The following PRMT9 variants were observed in gnomAD, a reference collection of about 807,000 sequenced individuals.
The protein encoded by PRMT9 is protein arginine methyltransferase 9.
Under a neutral mutation model 83.2 loss-of-function variants are expected in PRMT9, and 59 were observed. The observed-to-expected ratio is 0.71, with a 90% CI of 0.57 to 0.88. The LOEUF (loss-of-function observed/expected upper bound fraction) is 0.88, where lower values mean the gene tolerates loss of function less well. PRMT9 is among the 40% of genes least tolerant of loss of function. The pLI is 0.00. For synonymous variants in PRMT9, 333 were observed against 353.2 expected (o/e 0.94, Z 0.64); for missense variants, 947 against 1,021.9 (o/e 0.93, Z 1.00).
At chr4:147,657,179 T>C (rs1734565364) in intron 8 of PRMT9, among the ~76,000 whole-genome samples, 1 of 152,076 alleles carries the variant, frequency 6.6e-6, no homozygotes, top group Non-Finnish European at 1.5e-5. Context: ...AAGCAATACT[T>C]TTCCAGTACT....
At chr4:147,649,452 C>T (rs1449327783) in intron 9 of PRMT9, among the ~76,000 whole-genome samples, 1 of 152,098 alleles carries the variant, frequency 6.6e-6, no homozygotes. Context: ...ACCAAACCTT[C>T]AAGCTTTCAT....
intron 6 of PRMT9, among the ~76,000 whole-genome samples, chr4:147,663,123 C>T (rs1288521193): frequency 6.6e-6 from 1 of 151,372 alleles, no homozygotes; most frequent in Non-Finnish European, 1.5e-5. Context: ...ATTCTCCTGC[C>T]TCAGCCTCCC....
chr4:147,676,035 A>G (rs1177854312), intron 2 of PRMT9, among the ~76,000 whole-genome samples: 13 of 152,224 alleles, frequency 8.5e-5, no homozygotes, highest in Admixed American at 8.5e-4. Context: ...AGTCAAGAAC[A>G]AAGGTAAATT....
intron 9 of PRMT9, among the ~76,000 whole-genome samples, chr4:147,650,667 G>A (rs1227292420): frequency 6.6e-6 from 1 of 152,208 alleles, no homozygotes; most frequent in Non-Finnish European, 1.5e-5. Context: ...TCAAAGAACT[G>A]TAAACCGCCA....
intron 10 of PRMT9, among the ~76,000 whole-genome samples, chr4:147,640,287 G>T (rs889191612): frequency 6.6e-6 from 1 of 151,632 alleles, no homozygotes; most frequent in Admixed American, 6.6e-5. Flanking sequence ...TGTCCAGGTT[G>T]GTCTCGAACT....
At chr4:147,662,060 C>G (rs1185617516) in intron 6 of PRMT9, among the ~76,000 whole-genome samples, 1 of 151,984 alleles carries the variant, frequency 6.6e-6, no homozygotes, top group Non-Finnish European at 1.5e-5. Flanking sequence ...CATATTATCA[C>G]CAAAAGAATG....
intron 9 of PRMT9, among the ~76,000 whole-genome samples, chr4:147,650,993 T>G (rs1734062209): frequency 6.6e-6 from 1 of 151,942 alleles, no homozygotes; most frequent in Non-Finnish European, 1.5e-5. Flanking sequence ...TCCCAGCTAC[T>G]CGGGAGGCTG....
intron 2 of PRMT9, among the ~76,000 whole-genome samples, chr4:147,676,714 A>T (rs762956749): frequency 6.6e-6 from 1 of 152,190 alleles, no homozygotes; most frequent in Non-Finnish European, 1.5e-5. Flanking sequence ...AAAGTTTGGC[A>T]AAGTGTTTCT....
chr4:147,639,154 A>C, intron 10 of PRMT9, 72 bp from the exon 11 acceptor site: 1 of 1,515,798 alleles, frequency 6.6e-7, no homozygotes, highest in Non-Finnish European at 9.1e-7. Flanking sequence ...TCACTTTTAC[A>C]CATTCCTTTT....
chr4:147,680,368 G>A lies in PRMT9; in HGVS notation c.293C>T (p.Pro98Leu), dbSNP rs1230308694. The A allele has an allele frequency of 1.2e-6, 2 of 1,613,946 alleles. No homozygotes were observed. The highest frequency in any genetic ancestry group is 1.3e-5 in the African/African-American group (1 of 74,892). Residue 98 changes from proline (P) to leucine (L), a missense_variant, in exon 2 of 12, where the codon CCT becomes CTT. Pro to Leu is a moderately conservative substitution (Grantham distance 98). Transcript: ENST00000322396. ...GCYEQALELF[P>L]DDEVICNSMG... ...ACTATTGCAAATCACTTCATCATCA[G>A]GAAACAGTTCCAAGGCCTGCTCATA...
chr4:147,680,542 GAAGATTCC>G, intron 1 of PRMT9, 71 bp from the exon 2 acceptor site: 1 of 1,182,362 alleles, frequency 8.5e-7, no homozygotes, highest in Non-Finnish European at 1.2e-6. Flanking sequence ...ATCATTAGTT[GAAGATTCC>G]AAGCAATCGA....
In PRMT9 at chr4:147,657,944, T is replaced by A. The variant is rs1253630189; in HGVS notation, c.1178A>T (p.Asp393Val). 1 of 1,607,430 alleles carries A rather than the reference T, an allele frequency of 6.2e-7. No homozygotes were observed. Among genetic ancestry groups the A allele is most frequent in the East Asian group, 2.2e-5 (1 of 44,742 alleles). Residue 393 changes from aspartate (D) to valine (V), a missense_variant, in exon 8 of 12, where the codon GAT becomes GTT. Asp to Val is a radical substitution (Grantham distance 152, BLOSUM62 -3). Coordinates refer to ENST00000322396, the MANE Select transcript of PRMT9 (RefSeq NM_138364.4). ...TTTAATAACAGGAATACCAATCTTA[T>A]CAGGCTTTTTAGTTGCAAGACTTTT... is the stretch of plus-strand genomic sequence containing the variant. ...ELKSLATKKP[D>V]KIGIPVIKEG...
At chr4:147,657,738 G>A in intron 8 of PRMT9, 54 bp downstream of exon 8, 12 of 1,390,954 alleles carry the variant, frequency 8.6e-6, no homozygotes, top group South Asian at 1.2e-5. Flanking sequence ...CCACTGACTT[G>A]AATACTTAGA....
intron 8 of PRMT9, among the ~76,000 whole-genome samples, chr4:147,655,296 G>A (rs1046498286): frequency 2.0e-5 from 3 of 152,054 alleles, no homozygotes; most frequent in African/African-American, 7.2e-5. Context: ...CCAAGTAGCT[G>A]AGACTACGGA....
At chr4:147,645,685 A>G (rs1032111532) in intron 9 of PRMT9, among the ~76,000 whole-genome samples, 3 of 152,206 alleles carry the variant, frequency 2.0e-5, no homozygotes, top group African/African-American at 7.2e-5. Context: ...AAAATAATAC[A>G]TTTGAGGAAA....
Position 147,661,813 on chromosome 4 carries a change from AT to A in PRMT9, c.954-776del, listed in dbSNP as rs774990975. 1.2e-3 allele frequency among the ~76,000 whole-genome samples: 178 copies of A among 150,052 alleles called. 6 individuals are homozygous for A. The highest frequency in any genetic ancestry group is 7.3e-3 in the East Asian group (36 of 4,948). ...TCAAAAAAAAAAAAAAAAAAAAAAA[AT>A]TCACAATGCATACTACGCATCTGAC... is the stretch of plus-strand genomic sequence containing the variant. On this transcript the variant is annotated intron_variant, in intron 6 of 11. Coordinates refer to ENST00000322396, the MANE Select transcript of PRMT9 (RefSeq NM_138364.4).
intron 1 of PRMT9, among the ~76,000 whole-genome samples, chr4:147,682,056 A>T (rs1163258328): frequency 6.6e-6 from 1 of 152,186 alleles, no homozygotes; most frequent in East Asian, 1.9e-4. Flanking sequence ...CCCAGGCTGG[A>T]GTGCAATGGC....
intron 9 of PRMT9, among the ~76,000 whole-genome samples, chr4:147,645,804 G>A (rs1287066890): frequency 6.6e-6 from 1 of 152,176 alleles, no homozygotes; most frequent in Non-Finnish European, 1.5e-5. Context: ...ATTCAGCAAG[G>A]AAAGTTAGAG....
At chr4:147,658,631 A>G (rs1397334473) in intron 7 of PRMT9, among the ~76,000 whole-genome samples, 5 of 152,320 alleles carry the variant, frequency 3.3e-5, no homozygotes, top group East Asian at 3.9e-4. Context: ...TTCGGGGGTA[A>G]ATGGCAGCTA....
Sources: gnomAD v4.1 joint callset for allele counts (sites outside exome capture counted in the v4.1 genomes callset) on GRCh38, gnomAD v4.1.1 for gene constraint, MANE v1.5 for transcripts, NCBI Gene and HGNC (gene_info 2026-07-23, HGNC 2026-07-21) for gene names.